GNAI1: variants seen among roughly 807,000 people sequenced by gnomAD.
GNAI1 encodes the protein G protein subunit alpha i1.
A neutral mutation model predicts 38.9 loss-of-function variants in GNAI1; 11 were observed. The ratio of observed to expected loss-of-function variants is 0.28; its 90% CI spans 0.18 to 0.47. GNAI1 has a LOEUF of 0.47. Among genes scored for constraint, GNAI1 ranks in the 20% least tolerant of loss-of-function variants. The pLI is 0.99. For synonymous variants in GNAI1, 166 were observed against 145.1 expected (o/e 1.14, Z -1.04); for missense variants, 317 against 436.9 (o/e 0.73, Z 2.45).
In GNAI1 at chr7:80,211,069, G is replaced by A. The variant is rs1403981151; in HGVS notation, c.691G>A (p.Asp231Asn). The A allele has an allele frequency of 1.9e-6, 3 of 1,613,322 alleles. No homozygotes were observed. Among genetic ancestry groups the A allele is most frequent in the East Asian group, 2.2e-5 (1 of 44,856 alleles). ...IIFCVALSDY[D>N]LVLAEDEEMN... ...CTTCTGTGTAGCACTGAGTGACTAC[G>A]ACCTGGTTCTAGCTGAAGATGAAGA... is the stretch of plus-strand genomic sequence containing the variant. The change falls in exon 6 of 8, where the codon GAC becomes AAC. Residue 231 changes from aspartate to asparagine, a missense_variant. Around this residue, in one of 5 missense-constraint regions of GNAI1, gnomAD observed 158 missense variants for 234.7 expected, o/e 0.67. Transcript: ENST00000649796.
intron 3 of GNAI1, among the ~76,000 whole-genome samples, chr7:80,198,157 G>A (rs959327353): frequency 1.3e-4 from 20 of 151,714 alleles, no homozygotes; most frequent in African/African-American, 4.3e-4. Flanking sequence ...ATCCGCATGT[G>A]GCTACTGAAT....
chr7:80,172,001 G>A (rs1041977452), intron 1 of GNAI1, among the ~76,000 whole-genome samples: 1 of 152,106 alleles, frequency 6.6e-6, no homozygotes, highest in Admixed American at 6.6e-5. Flanking sequence ...TGTACTTTTA[G>A]GATTATATGA....
At chr7:80,214,769 T>C (rs546477346) in intron 7 of GNAI1, among the ~76,000 whole-genome samples, 86 of 152,322 alleles carry the variant, frequency 5.6e-4, no homozygotes, top group Middle Eastern at 6.8e-3. Flanking sequence ...TGCTCCTGTG[T>C]TACCCTTCTC....
In GNAI1 at chr7:80,224,614, TAGCATG is replaced by T. The variant is rs1789129672; in HGVS notation, c.*7122_*7127del. Among the ~76,000 whole-genome samples, 3 of 152,210 alleles carry T rather than the reference TAGCATG, an allele frequency of 2.0e-5. No homozygotes were observed. Among genetic ancestry groups the T allele is most frequent in the Non-Finnish European group, 2.9e-5 (2 of 68,048 alleles). On this transcript the variant is annotated 3_prime_UTR_variant, in exon 8 of 8. Transcript: ENST00000649796. ...GTTAATAAGTATGCATGATGCACAT[TAGCATG>T]TCAATGGCTGTGAAAAGCCAGTGCA...
intron 1 of GNAI1, among the ~76,000 whole-genome samples, chr7:80,186,018 G>A (rs572281024): frequency 7.4e-4 from 98 of 133,272 alleles, no homozygotes; most frequent in Non-Finnish European, 1.3e-3. Flanking sequence ...ACTGCCATCC[G>A]CACTCTTTTT....
At chr7:80,151,587 G>C (rs1308376768) in intron 1 of GNAI1, among the ~76,000 whole-genome samples, 1 of 152,014 alleles carries the variant, frequency 6.6e-6, no homozygotes, top group Non-Finnish European at 1.5e-5. Context: ...CTCATTCCTG[G>C]GGTGCTCCCA....
At chr7:80,187,677 G>A (rs1788411931) in intron 1 of GNAI1, among the ~76,000 whole-genome samples, 1 of 152,136 alleles carries the variant, frequency 6.6e-6, no homozygotes, top group South Asian at 2.1e-4. Flanking sequence ...TGAAAATATA[G>A]TGAAAATCCT....
rs1484559732 is a variant in GNAI1, at chr7:80,150,826, A to ATT, written c.118+15549_118+15550dup. Among the ~76,000 whole-genome samples, 3 of 152,126 alleles carry ATT rather than the reference A, an allele frequency of 2.0e-5. No homozygotes were observed. The South Asian group carries it at 6.2e-4, about 32-fold the overall frequency. Reference sequence around the variant, plus strand: ...ATTTCCCAAGCCTTATTTACTCCTTATTGCATTGCATTGTCCATCCATCAT... The same window carrying ATT: ...ATTTCCCAAGCCTTATTTACTCCTTATTTTGCATTGCATTGTCCATCCATCAT... On this transcript the variant is annotated intron_variant, in intron 1 of 7. Coordinates refer to ENST00000649796, the MANE Select transcript of GNAI1 (RefSeq NM_002069.6).
intron 6 of GNAI1, 97 bp downstream of exon 6, chr7:80,211,195 A>T: frequency 9.7e-7 from 1 of 1,032,230 alleles, no homozygotes; most frequent in Non-Finnish European, 1.4e-6. Flanking sequence ...TTGAAAGTAC[A>T]GGGTCTTTCC....
At chr7:80,164,394 G>T (rs1174877487) in intron 1 of GNAI1, among the ~76,000 whole-genome samples, 3 of 144,038 alleles carry the variant, frequency 2.1e-5, no homozygotes, top group Non-Finnish European at 4.5e-5. Flanking sequence ...ACGGAGTCTT[G>T]CTCTGTCGCC....
intron 1 of GNAI1, among the ~76,000 whole-genome samples, chr7:80,161,971 G>A (rs1017518035): frequency 6.6e-6 from 1 of 152,074 alleles, no homozygotes; most frequent in African/African-American, 2.4e-5. Flanking sequence ...AATAGTTATC[G>A]AGTGTCTGTG....
chr7:80,137,200 C>G (rs1273676065), intron 1 of GNAI1, among the ~76,000 whole-genome samples: 1 of 150,054 alleles, frequency 6.7e-6, no homozygotes, highest in Admixed American at 6.6e-5. Context: ...GAAGTTGAAT[C>G]TTGACAGTCA....
rs1466188826 is a variant in GNAI1, at chr7:80,200,340, A to AAAAC, written c.461+961_461+962insCAAA. On this transcript the variant is annotated intron_variant, in intron 4 of 7. Transcript: ENST00000649796. ...GCCATGTCTCAAAAAAAAAAAAAAA[A>AAAAC]AAAAAAACCTAATCAGGGAGCTTTC... Among the ~76,000 whole-genome samples, 3 of 150,030 alleles carry AAAAC rather than the reference A, an allele frequency of 2.0e-5. 1 individual carries two copies. The highest frequency in any genetic ancestry group is 2.5e-5 in the African/African-American group (1 of 40,580).
At chr7:80,150,420 A>C (rs545469913) in intron 1 of GNAI1, among the ~76,000 whole-genome samples, 56 of 152,334 alleles carry the variant, frequency 3.7e-4, no homozygotes, top group African/African-American at 1.3e-3. Flanking sequence ...TAACAATGCT[A>C]AGTTAAATAT....
At chr7:80,217,238 A>AGTTTCATATGTAGGAAACTGAC in intron 7 of GNAI1, 65 bp from the exon 8 acceptor site, 2 of 323,778 alleles carry the variant, frequency 6.2e-6, no homozygotes, top group Non-Finnish European at 9.1e-6. Flanking sequence ...ATGAAACTGA[A>AGTTTCATATGTAGGAAACTGAC]TTCAGTATTT....
chr7:80,145,179 A>AT (rs906166074), intron 1 of GNAI1, among the ~76,000 whole-genome samples: 29 of 152,206 alleles, frequency 1.9e-4, no homozygotes, highest in African/African-American at 5.5e-4. Flanking sequence ...TTTTTAATCT[A>AT]TTTTTTTATT....
chr7:80,184,272 T>C (rs1788351208), intron 1 of GNAI1, among the ~76,000 whole-genome samples: 1 of 152,172 alleles, frequency 6.6e-6, no homozygotes, highest in Non-Finnish European at 1.5e-5. Flanking sequence ...AACGCGCACC[T>C]GGAAGAGGGC....
At chr7:80,199,180 C>T (rs1020309607) in intron 3 of GNAI1, 45 bp from the exon 4 acceptor site, 51 of 1,369,178 alleles carry the variant, frequency 3.7e-5, no homozygotes, top group Non-Finnish European at 4.7e-5. Context: ...CTTTTTATCT[C>T]TGACGTATCC....
At chr7:80,137,670 A>G (rs1396900754) in intron 1 of GNAI1, among the ~76,000 whole-genome samples, 1 of 152,096 alleles carries the variant, frequency 6.6e-6, no homozygotes, top group Non-Finnish European at 1.5e-5. Context: ...AATATTTCAG[A>G]ATGATTTTTA....
Sources: allele counts gnomAD v4.1 joint callset (sites outside exome capture counted in the v4.1 genomes callset), GRCh38; gene constraint gnomAD v4.1.1; regional missense constraint gnomAD v4.1.1; transcripts MANE v1.5; gene names NCBI Gene and HGNC (gene_info 2026-07-23, HGNC 2026-07-21).